Variants in VIPR1 observed in about 807,000 individuals in gnomAD.
The protein encoded by VIPR1 is vasoactive intestinal polypeptide receptor 1.
Under a neutral mutation model 58.8 loss-of-function variants are expected in VIPR1, and 59 were observed. That is an observed-to-expected ratio of 1.00 (90% CI 0.81 to 1.25). VIPR1 has a LOEUF of 1.25. VIPR1 is among the 50% of genes most tolerant of loss of function. The pLI is 0.00. For synonymous variants in VIPR1, 251 were observed against 242.1 expected (o/e 1.04, Z -0.34); for missense variants, 626 against 602.7 (o/e 1.04, Z -0.40).
At chr3:42,508,475 A>G (rs1700220825) in intron 1 of VIPR1, among the ~76,000 whole-genome samples, 1 of 152,130 alleles carries the variant, frequency 6.6e-6, no homozygotes, top group Non-Finnish European at 1.5e-5. Flanking sequence ...GACTTTAGAT[A>G]TTTTTAAAAT....
chr3:42,491,283 T>C (rs954428640), intron 1 of VIPR1, among the ~76,000 whole-genome samples: 1 of 152,228 alleles, frequency 6.6e-6, no homozygotes, highest in Non-Finnish European at 1.5e-5. Flanking sequence ...GAATGAAAAT[T>C]AAATAATGAT....
upstream of VIPR1, among the ~76,000 whole-genome samples, chr3:42,498,773 C>A (rs1559475408): frequency 6.6e-6 from 1 of 152,178 alleles, no homozygotes; most frequent in Non-Finnish European, 1.5e-5. Context: ...CAGCCCATGT[C>A]TAAGACACAG....
chr3:42,504,919 A>T (rs1369357741), intron 1 of VIPR1, among the ~76,000 whole-genome samples: 1 of 151,354 alleles, frequency 6.6e-6, no homozygotes, highest in Admixed American at 6.6e-5. Flanking sequence ...AAAAAAAAAA[A>T]AAAAAAAGGA....
At chr3:42,524,889 TG>T (rs1701143795) in intron 3 of VIPR1, among the ~76,000 whole-genome samples, 1 of 152,120 alleles carries the variant, frequency 6.6e-6, no homozygotes, top group African/African-American at 2.4e-5. Flanking sequence ...AACTGTGAAA[TG>T]GAGTTAACTT....
At chr3:42,517,401 G>A (rs1700687711) in intron 2 of VIPR1, among the ~76,000 whole-genome samples, 1 of 152,240 alleles carries the variant, frequency 6.6e-6, no homozygotes, top group Non-Finnish European at 1.5e-5. Context: ...TGGCAGGATT[G>A]CAAAGAGACA....
chr3:42,510,599 C>A (rs1447589554), intron 1 of VIPR1, among the ~76,000 whole-genome samples: 1 of 152,132 alleles, frequency 6.6e-6, no homozygotes, highest in East Asian at 1.9e-4. Context: ...GCAGTCCAGA[C>A]CAGCGGTCAG....
At chr3:42,503,659 G>A (rs1367203494) in intron 1 of VIPR1, among the ~76,000 whole-genome samples, 4 of 152,166 alleles carry the variant, frequency 2.6e-5, no homozygotes, top group African/African-American at 9.7e-5. Context: ...TCTCACTCTA[G>A]AACAGGGGAG....
chr3:42,533,850 C>T (rs1193199586), intron 10 of VIPR1: 1 of 152,304 alleles, frequency 6.6e-6, no homozygotes, highest in Non-Finnish European at 1.5e-5. Context: ...CTCCTCTGCC[C>T]CCAGCTTGCT....
chr3:42,532,356 A>G (rs941414653), intron 10 of VIPR1, 23 bp downstream of exon 10: 11 of 1,605,346 alleles, frequency 6.9e-6, no homozygotes, highest in Non-Finnish European at 9.4e-6. Flanking sequence ...CTAGTGCCTC[A>G]GCCCCCAGTA....
chr3:42,529,925 G>C (rs1701445662), intron 6 of VIPR1: 1 of 152,210 alleles, frequency 6.6e-6, no homozygotes, highest in African/African-American at 2.4e-5. Flanking sequence ...AACCCCAGGA[G>C]GAATGGCCAC....
At chr3:42,531,328 A>G (rs1312144789) in intron 7 of VIPR1, 143 bp from the exon 8 acceptor site, 1 of 844,218 alleles carries the variant, frequency 1.2e-6, no homozygotes, top group African/African-American at 1.7e-5. Context: ...TGAACAACCT[A>G]TGCAACCAAA....
At chr3:42,510,567 G>A (rs879228935) in intron 1 of VIPR1, among the ~76,000 whole-genome samples, 9 of 152,162 alleles carry the variant, frequency 5.9e-5, no homozygotes, top group South Asian at 2.1e-4. Context: ...GGTCCAAGGC[G>A]AGGCTGTGTT....
At chr3:42,508,611 G>A (rs1033545688) in intron 1 of VIPR1, among the ~76,000 whole-genome samples, 23 of 152,176 alleles carry the variant, frequency 1.5e-4, no homozygotes, top group Admixed American at 1.3e-3. Flanking sequence ...CCTGCAATGA[G>A]GGGAAGTCTT....
intron 1 of VIPR1, among the ~76,000 whole-genome samples, chr3:42,490,211 A>G (rs1446317666): frequency 6.6e-6 from 1 of 152,188 alleles, no homozygotes; most frequent in Non-Finnish European, 1.5e-5. Flanking sequence ...AAGGGGTTAA[A>G]TAATCTGAAA....
In VIPR1 at chr3:42,502,681, C is replaced by T; in HGVS notation, c.-55C>T. 1 of 1,239,818 alleles carries T rather than the reference C, an allele frequency of 8.1e-7. No homozygotes were observed. The highest frequency in any genetic ancestry group is 1.0e-6 in the Non-Finnish European group (1 of 987,940). 76.8% of individuals were successfully genotyped at this position (1,239,818 alleles called of 1,614,324 possible). On this transcript the variant is annotated 5_prime_UTR_variant, in exon 1 of 13. Coordinates refer to ENST00000325123, the MANE Select transcript of VIPR1 (RefSeq NM_004624.4). ...CCCGGCCATCGCCCGCCTGGTGCGCCGCCCGCCAGCTCTTTGCCCGCGCGG... is the reference window on the plus strand; with the variant it reads ...CCCGGCCATCGCCCGCCTGGTGCGCTGCCCGCCAGCTCTTTGCCCGCGCGG...
chr3:42,531,975 T>A (rs1328362103), intron 9 of VIPR1, 106 bp downstream of exon 9: 2 of 1,333,904 alleles, frequency 1.5e-6, no homozygotes, highest in Non-Finnish European at 2.1e-6. Context: ...AACTGAAACG[T>A]AGCTTCCTAA....
upstream of VIPR1, chr3:42,501,976 G>A (rs1268522257): frequency 6.6e-6 from 1 of 152,332 alleles, no homozygotes; most frequent in Non-Finnish European, 1.5e-5. The surrounding 1 kb of genome is among the most constrained non-coding windows in gnomAD (Gnocchi z 4.8). Flanking sequence ...CAGGTGCTGA[G>A]CGCGCCCCAC....
chr3:42,502,641 C>A, upstream of VIPR1: 2 of 989,150 alleles, frequency 2.0e-6, no homozygotes, highest in South Asian at 7.9e-5. Context: ...AGCGCCAGCG[C>A]CACTCTGCCA....
At chr3:42,498,304 C>G (rs1020398553), upstream of VIPR1, among the ~76,000 whole-genome samples, 9 of 152,334 alleles carry the variant, frequency 5.9e-5, no homozygotes, top group South Asian at 1.9e-3. Flanking sequence ...ATTGACAAAG[C>G]ACAGTAGGGT....
Sources: allele counts gnomAD v4.1 joint callset (sites outside exome capture counted in the v4.1 genomes callset), GRCh38; gene constraint gnomAD v4.1.1; non-coding constraint Gnocchi (gnomAD v3.1); transcripts MANE v1.5; gene names NCBI Gene and HGNC (gene_info 2026-07-23, HGNC 2026-07-21).